ATRNL1: variants seen among roughly 807,000 people sequenced by gnomAD.
The protein encoded by ATRNL1 is attractin-like protein 1.
A neutral mutation model predicts 182.7 loss-of-function variants in ATRNL1; 95 were observed. The ratio of observed to expected loss-of-function variants is 0.52; its 90% CI spans 0.44 to 0.62. The LOEUF (loss-of-function observed/expected upper bound fraction) is 0.62, where lower values mean the gene tolerates loss of function less well. Among genes scored for constraint, ATRNL1 ranks in the 20% least tolerant of loss-of-function variants. ATRNL1 has a pLI of 0.00. For synonymous variants in ATRNL1, 576 were observed against 568.3 expected, an observed-to-expected ratio of 1.01 and a Z score of -0.19; for missense variants, 1,471 against 1,679.5, an observed-to-expected ratio of 0.88 and a Z score of 2.17.
At chr10:115,406,722 C>T (rs1418320751) in intron 20 of ATRNL1, among the ~76,000 whole-genome samples, 1 of 151,996 alleles carries the variant, frequency 6.6e-6, no homozygotes, top group Non-Finnish European at 1.5e-5. Flanking sequence ...CTGCTGGATT[C>T]TCCTTAATCA....
chr10:115,422,315 G>A (rs1293749199), intron 20 of ATRNL1, among the ~76,000 whole-genome samples: 2 of 152,100 alleles, frequency 1.3e-5, no homozygotes, highest in Non-Finnish European at 2.9e-5. Flanking sequence ...CTAATATCTA[G>A]AATCTATATG....
At chr10:115,905,346 G>A (rs782486685) in intron 28 of ATRNL1, among the ~76,000 whole-genome samples, 4 of 151,544 alleles carry the variant, frequency 2.6e-5, no homozygotes, top group Non-Finnish European at 5.9e-5. Context: ...TCAGCCTCCC[G>A]AGTAGCTGGG....
intron 21 of ATRNL1, among the ~76,000 whole-genome samples, chr10:115,442,762 T>C (rs1846759530): frequency 6.6e-6 from 1 of 152,104 alleles, no homozygotes. Context: ...TGTGTGATTA[T>C]TTTTGGCTTT....
At chr10:115,922,988 G>T (rs144929089) in intron 28 of ATRNL1, among the ~76,000 whole-genome samples, 1 of 152,114 alleles carries the variant, frequency 6.6e-6, no homozygotes, top group African/African-American at 2.4e-5. Context: ...TTAGCCCACC[G>T]TAAAGGAATA....
At chr10:115,317,380 T>C (rs1592437067) in intron 18 of ATRNL1, among the ~76,000 whole-genome samples, 1 of 152,232 alleles carries the variant, frequency 6.6e-6, no homozygotes, top group East Asian at 1.9e-4. Flanking sequence ...TATGGGGTCT[T>C]CTTTAATTCC....
At chr10:115,348,455 A>G (rs187392956) in intron 19 of ATRNL1, among the ~76,000 whole-genome samples, 226 of 152,296 alleles carry the variant, frequency 1.5e-3, no homozygotes, top group Admixed American at 0.012. Flanking sequence ...AACATCAATA[A>G]GTTTAGTATT....
chr10:115,809,427 T>C (rs1555086428), intron 27 of ATRNL1, among the ~76,000 whole-genome samples: 1 of 152,064 alleles, frequency 6.6e-6, no homozygotes, highest in Non-Finnish European at 1.5e-5. Context: ...ATATCTGAAG[T>C]CTTGTGTCTC....
At chr10:115,161,906 T>TG (rs1209471495) in intron 6 of ATRNL1, among the ~76,000 whole-genome samples, 7 of 152,064 alleles carry the variant, frequency 4.6e-5, no homozygotes, top group Non-Finnish European at 7.4e-5. Context: ...GGAATTTAAT[T>TG]GGGGTGGAAA....
intron 15 of ATRNL1, among the ~76,000 whole-genome samples, chr10:115,293,412 T>G (rs1853017269): frequency 6.6e-6 from 1 of 152,154 alleles, no homozygotes; most frequent in Non-Finnish European, 1.5e-5. Context: ...CTGGTTTTCA[T>G]ACATCTTTTC....
At chr10:115,788,230 T>C (rs984993814) in intron 27 of ATRNL1, among the ~76,000 whole-genome samples, 4 of 152,218 alleles carry the variant, frequency 2.6e-5, no homozygotes, top group Non-Finnish European at 5.9e-5. Context: ...CACTTTGTCC[T>C]TAACTGAAAT....
At chr10:115,207,029 T>C (rs938864195) in intron 8 of ATRNL1, among the ~76,000 whole-genome samples, 1 of 152,122 alleles carries the variant, frequency 6.6e-6, no homozygotes, top group Non-Finnish European at 1.5e-5. Context: ...CATCCTTTTT[T>C]ATGGCTGGCT....
intron 24 of ATRNL1, among the ~76,000 whole-genome samples, chr10:115,503,369 TAGTCTC>T (rs1453914071): frequency 6.6e-6 from 1 of 152,094 alleles, no homozygotes; most frequent in Non-Finnish European, 1.5e-5. Flanking sequence ...AAAATATTGT[TAGTCTC>T]AGGCAATAAC....
At chr10:115,480,433 A>C (rs1420290702) in intron 24 of ATRNL1, among the ~76,000 whole-genome samples, 2 of 151,140 alleles carry the variant, frequency 1.3e-5, no homozygotes, top group Non-Finnish European at 3.0e-5. Context: ...AAGTTATCAT[A>C]TATATTTTCA....
At chr10:115,880,222 G>C (rs781890087) in intron 28 of ATRNL1, among the ~76,000 whole-genome samples, 26 of 152,210 alleles carry the variant, frequency 1.7e-4, no homozygotes, top group Non-Finnish European at 3.7e-4. Context: ...CTGTCGCAAG[G>C]ACCCAGAGAT....
chr10:115,870,698 G>A (rs1236124875), intron 28 of ATRNL1, among the ~76,000 whole-genome samples: 3 of 152,142 alleles, frequency 2.0e-5, no homozygotes, highest in Admixed American at 2.0e-4. Flanking sequence ...AAGGTTTTAT[G>A]AAACGCAGTA....
chr10:115,339,588 T>C (rs1335598758), intron 19 of ATRNL1, among the ~76,000 whole-genome samples: 1 of 152,204 alleles, frequency 6.6e-6, no homozygotes, highest in Non-Finnish European at 1.5e-5. Context: ...AATTTATCAG[T>C]TCTAAGATTT....
At chr10:115,264,895 A>G (rs1851542523) in intron 10 of ATRNL1, among the ~76,000 whole-genome samples, 2 of 151,632 alleles carry the variant, frequency 1.3e-5, no homozygotes, top group Admixed American at 6.6e-5. Context: ...TAATAAATAT[A>G]TGTCTTCGAA....
At chr10:115,248,686 GT>G (rs1381770044) in intron 10 of ATRNL1, among the ~76,000 whole-genome samples, 2 of 151,376 alleles carry the variant, frequency 1.3e-5, no homozygotes, top group East Asian at 1.9e-4. Context: ...GTATGAATGA[GT>G]TTTTTTTTAA....
At chr10:115,424,798 G>T (rs1845810590) in intron 20 of ATRNL1, among the ~76,000 whole-genome samples, 2 of 152,070 alleles carry the variant, frequency 1.3e-5, no homozygotes, top group Non-Finnish European at 2.9e-5. Flanking sequence ...ATTTTGAAAG[G>T]CTTGGGAGGG....
Sources: gnomAD v4.1 joint callset for allele counts (sites outside exome capture counted in the v4.1 genomes callset) on GRCh38, gnomAD v4.1.1 for gene constraint, MANE v1.5 for transcripts, NCBI Gene and HGNC (gene_info 2026-07-23, HGNC 2026-07-21) for gene names.